Variants in CTNNA3 observed in about 807,000 individuals in gnomAD.
CTNNA3 encodes catenin alpha-3.
CTNNA3 carries 76 observed loss-of-function variants against 95.7 expected under a neutral mutation model. That is an observed-to-expected ratio of 0.79 (90% confidence interval 0.66 to 0.96). The LOEUF (loss-of-function observed/expected upper bound fraction) is 0.96. Among genes scored for constraint, CTNNA3 ranks in the 40% least tolerant of loss-of-function variants. The pLI is 0.00. For missense variants in CTNNA3, 1,191 were observed against 1,089.8 expected (o/e 1.09, Z -1.31); for synonymous variants, 431 against 374.4 (o/e 1.15, Z -1.74).
intron 5 of CTNNA3, among the ~76,000 whole-genome samples, chr10:67,287,042 T>C (rs1839633487): frequency 6.6e-6 from 1 of 151,852 alleles, no homozygotes; most frequent in African/African-American, 2.4e-5. Context: ...GACTGGAACA[T>C]GAAAAAACAT....
intron 1 of CTNNA3, among the ~76,000 whole-genome samples, chr10:67,664,824 G>A (rs1005836137): frequency 6.6e-6 from 1 of 152,116 alleles, no homozygotes; most frequent in East Asian, 1.9e-4. Context: ...ATGCTCTACC[G>A]TATTGAATAC....
chr10:66,617,301 A>G (rs1332267149), intron 10 of CTNNA3, among the ~76,000 whole-genome samples: 1 of 152,000 alleles, frequency 6.6e-6, no homozygotes, highest in Non-Finnish European at 1.5e-5. Context: ...AGTCCTCATA[A>G]AGTGAACATA....
intron 11 of CTNNA3, among the ~76,000 whole-genome samples, chr10:66,418,495 C>G (rs910943012): frequency 6.6e-6 from 1 of 150,660 alleles, no homozygotes; most frequent in African/African-American, 2.5e-5. Flanking sequence ...TTGTAGGGGA[C>G]TGATTTCTTC....
chr10:66,833,622 T>C (rs1842798613), intron 7 of CTNNA3, among the ~76,000 whole-genome samples: 1 of 152,174 alleles, frequency 6.6e-6, no homozygotes, highest in African/African-American at 2.4e-5. Flanking sequence ...CGTATTGAAG[T>C]AGTGTGTTCC....
intron 5 of CTNNA3, among the ~76,000 whole-genome samples, chr10:67,280,599 C>G (rs1397568803): frequency 6.6e-6 from 1 of 151,772 alleles, no homozygotes; most frequent in Non-Finnish European, 1.5e-5. Context: ...CTGAAGACGC[C>G]CGACTCCTGC....
chr10:67,018,678 C>T (rs943820973), intron 7 of CTNNA3, among the ~76,000 whole-genome samples: 4 of 152,170 alleles, frequency 2.6e-5, no homozygotes, highest in African/African-American at 9.7e-5. Flanking sequence ...CGTGGACAAG[C>T]CACTTAACCT....
chr10:66,046,827 A>G (rs763576920), intron 15 of CTNNA3, among the ~76,000 whole-genome samples: 4 of 152,130 alleles, frequency 2.6e-5, no homozygotes, highest in Non-Finnish European at 5.9e-5. Context: ...ACCAAAAAGA[A>G]CCATCAGAAA....
chr10:66,963,745 C>A (rs1849249581), intron 7 of CTNNA3, among the ~76,000 whole-genome samples: 1 of 152,040 alleles, frequency 6.6e-6, no homozygotes, highest in Admixed American at 6.6e-5. Context: ...GAGACATTAT[C>A]ATCTGAAATG....
intron 7 of CTNNA3, among the ~76,000 whole-genome samples, chr10:66,782,465 T>C (rs941591953): frequency 5.9e-5 from 9 of 152,062 alleles, no homozygotes; most frequent in African/African-American, 2.2e-4. Flanking sequence ...ATTCTCTGTA[T>C]CACCTTTTCT....
At chr10:66,199,134 T>C (rs766975097) in intron 13 of CTNNA3, among the ~76,000 whole-genome samples, 1 of 152,050 alleles carries the variant, frequency 6.6e-6, no homozygotes, top group Non-Finnish European at 1.5e-5. Context: ...AATTTCTAAA[T>C]TGGCACTAGA....
chr10:67,256,548 A>G (rs1261825215), intron 5 of CTNNA3, among the ~76,000 whole-genome samples: 1 of 152,178 alleles, frequency 6.6e-6, no homozygotes, highest in Non-Finnish European at 1.5e-5. Context: ...CTGAAAGATT[A>G]CCCAATAAAA....
At chr10:67,223,652 T>C (rs1864757731) in intron 5 of CTNNA3, among the ~76,000 whole-genome samples, 1 of 152,200 alleles carries the variant, frequency 6.6e-6, no homozygotes, top group African/African-American at 2.4e-5. Flanking sequence ...GAACAAAATA[T>C]ATTTAGGAAT....
intron 11 of CTNNA3, among the ~76,000 whole-genome samples, chr10:66,487,056 G>T (rs554481691): frequency 6.6e-6 from 1 of 152,206 alleles, no homozygotes; most frequent in Admixed American, 6.5e-5. Context: ...TAAAGGAAAT[G>T]AGGTGTTGCC....
At chr10:66,684,667 T>C (rs4462225) in intron 9 of CTNNA3, among the ~76,000 whole-genome samples, 84,190 of 151,906 alleles carry the variant, frequency 0.55, 24,073 homozygotes, top group African/African-American at 0.68. Flanking sequence ...GTATATTAAA[T>C]TTTTCTGATA....
At chr10:67,312,321 T>C (rs1840847319) in intron 5 of CTNNA3, among the ~76,000 whole-genome samples, 1 of 152,170 alleles carries the variant, frequency 6.6e-6, no homozygotes, top group African/African-American at 2.4e-5. Flanking sequence ...TCTGCCTGCC[T>C]TGGCCTCCCA....
chr10:66,478,671 A>G (rs1442002994), intron 11 of CTNNA3, among the ~76,000 whole-genome samples: 2 of 151,892 alleles, frequency 1.3e-5, no homozygotes, highest in Non-Finnish European at 2.9e-5. Context: ...TATTTCAACA[A>G]TGTAACTAGT....
chr10:66,835,026 G>A (rs1393916875), intron 7 of CTNNA3, among the ~76,000 whole-genome samples: 3 of 152,188 alleles, frequency 2.0e-5, no homozygotes, highest in Non-Finnish European at 2.9e-5. Flanking sequence ...GGAAGCATCT[G>A]AGTTTCATCT....
chr10:67,750,898 A>G, intron 1 of CTNNA3: 2 of 1,610,724 alleles, frequency 1.2e-6, no homozygotes, highest in South Asian at 1.1e-5. Context: ...CAAGGGCATC[A>G]CCATTATGGC....
intron 10 of CTNNA3, among the ~76,000 whole-genome samples, chr10:66,613,202 C>G (rs917409171): frequency 1.2e-3 from 189 of 152,146 alleles, no homozygotes; most frequent in African/African-American, 4.4e-3. Flanking sequence ...TAATTTTTTA[C>G]CCCACTTTCC....
Sources: gnomAD v4.1 joint callset for allele counts (sites outside exome capture counted in the v4.1 genomes callset) on GRCh38, gnomAD v4.1.1 for gene constraint, MANE v1.5 for transcripts, NCBI Gene and HGNC (gene_info 2026-07-23, HGNC 2026-07-21) for gene names.